RBM43: variants seen among roughly 807,000 people sequenced by gnomAD.
The protein encoded by RBM43 is RNA binding motif protein 43, also known as RNA-binding protein 43.
RBM43 carries 12 observed loss-of-function variants against 12.4 expected under a neutral mutation model. That is an observed-to-expected ratio of 0.97 (90% CI 0.62 to 1.57). The LOEUF (loss-of-function observed/expected upper bound fraction) is 1.57. Ranked by LOEUF, RBM43 falls within the 40% of genes most tolerant of loss-of-function variation. RBM43 has a pLI of 0.00. For missense variants in RBM43, 348 were observed against 400.1 expected, an observed-to-expected ratio of 0.87 and a Z score of 1.11; for synonymous variants, 138 against 145.7, an observed-to-expected ratio of 0.95 and a Z score of 0.38.
At chr2:151,252,152 G>A (rs1444197590) in intron 3 of RBM43, among the ~76,000 whole-genome samples, 1 of 151,952 alleles carries the variant, frequency 6.6e-6, no homozygotes, top group Non-Finnish European at 1.5e-5. Flanking sequence ...CATTCTAATT[G>A]TTTTTTCCCA....
chr2:151,259,705 C>T (rs749157289), intron 1 of RBM43, among the ~76,000 whole-genome samples: 18 of 152,026 alleles, frequency 1.2e-4, no homozygotes, highest in Non-Finnish European at 1.8e-4. Context: ...ATGCTCAACC[C>T]TGTCAATGTA....
Position 151,250,972 on chromosome 2 carries a change from T to A in RBM43, c.1008A>T (p.Gly336=). Residue 336 remains glycine, a synonymous_variant, in exon 4 of 4, where the codon GGA becomes GGT. Coordinates refer to ENST00000331426, the MANE Select transcript of RBM43 (RefSeq NM_198557.3). ...NLYRTHIDII[G]SSSDTYLFKK... ...TAAACAGGTAAGTGTCAGAAGAAGA[T>A]CCTATAATGTCAATGTGTGTCCTAT... The A allele has an allele frequency of 1.2e-6, 2 of 1,611,914 alleles. No individual in the cohort carries two copies. The highest frequency in any genetic ancestry group is 1.7e-6 in the Non-Finnish European group (2 of 1,178,814).
chr2:151,254,435 C>T (rs1682947486), intron 2 of RBM43, among the ~76,000 whole-genome samples: 1 of 152,080 alleles, frequency 6.6e-6, no homozygotes, highest in South Asian at 2.1e-4. Flanking sequence ...CCTGAACATC[C>T]CCATTGAGAA....
intron 1 of RBM43, among the ~76,000 whole-genome samples, chr2:151,257,362 C>T (rs1297024789): frequency 1.3e-5 from 2 of 152,094 alleles, no homozygotes; most frequent in Non-Finnish European, 2.9e-5. Context: ...AGTGTCCTGT[C>T]CATCCCAAGA....
At chr2:151,258,579 C>T (rs774101259) in intron 1 of RBM43, among the ~76,000 whole-genome samples, 2 of 151,776 alleles carry the variant, frequency 1.3e-5, no homozygotes, top group African/African-American at 2.4e-5. Context: ...CACCTATAGT[C>T]CCAGCTAGCT....
In RBM43 at chr2:151,252,772, A is replaced by G; in HGVS notation, c.298T>C (p.Ser100Pro). Residue 100 changes from serine to proline, a missense_variant, in exon 3 of 4, where the codon TCT becomes CCT. By Grantham distance (74) the Ser-to-Pro change is moderately conservative. Transcript: ENST00000331426. Reference protein sequence around the residue: ...HAELTVSLRVSHFGDKIFSSV... With the variant: ...HAELTVSLRVPHFGDKIFSSV... ...CACCTTACCTTGTCACCAAAATGAGAGACTCTGAGAGAGACTGTGAGTTCA... is the reference window on the plus strand; with the variant it reads ...CACCTTACCTTGTCACCAAAATGAGGGACTCTGAGAGAGACTGTGAGTTCA... 1 of 1,597,804 alleles carries G rather than the reference A, an allele frequency of 6.3e-7. No individual in the cohort carries two copies. The highest frequency in any genetic ancestry group is 8.6e-7 in the Non-Finnish European group (1 of 1,165,458).
intron 2 of RBM43, 31 bp from the exon 3 acceptor site, chr2:151,252,886 T>C: frequency 9.6e-7 from 1 of 1,046,378 alleles, no homozygotes; most frequent in Admixed American, 1.8e-5. Flanking sequence ...CAGAAGTGTT[T>C]ATGGCATGAT....
intron 1 of RBM43, among the ~76,000 whole-genome samples, chr2:151,259,684 A>G (rs963272431): frequency 6.6e-6 from 1 of 152,162 alleles, no homozygotes; most frequent in Non-Finnish European, 1.5e-5. Flanking sequence ...TATGGTTACA[A>G]AAAAACAGAA....
At chr2:151,258,102 A>AT (rs1242739378) in intron 1 of RBM43, among the ~76,000 whole-genome samples, 1 of 152,154 alleles carries the variant, frequency 6.6e-6, no homozygotes, top group East Asian at 1.9e-4. Flanking sequence ...AGAAAAGAAA[A>AT]TACATGGAAG....
At position 151,248,161 on chromosome 2, in the gene RBM43, T is replaced by A. The variant is rs573076956; in HGVS notation, c.*2745A>T. 5 of 152,220 alleles carry A rather than the reference T, an allele frequency of 3.3e-5. No homozygotes were observed. In the South Asian group the frequency reaches 1.0e-3, roughly 32 times the overall value. The allele number at this position is 152,220 out of a possible 1,614,324, so 9.4% of individuals were successfully genotyped here. On this transcript the variant is annotated 3_prime_UTR_variant, in exon 4 of 4. Coordinates refer to ENST00000331426, the MANE Select transcript of RBM43 (RefSeq NM_198557.3). ...CCAGTGCACTAAATTGAACAAAAAA[T>A]AGTTAACTGTGAAAGTGTGCTGAAT...
Position 151,248,180 on chromosome 2 carries a change from G to A in RBM43, c.*2726C>T, listed in dbSNP as rs1197485923. 6.6e-6 allele frequency: 1 copy of A among 152,154 alleles called. No homozygotes were observed. The highest frequency in any genetic ancestry group is 1.5e-5 in the Non-Finnish European group (1 of 68,018). The allele number at this position is 152,154 out of a possible 1,614,324, so 9.4% of individuals were successfully genotyped here. A position where few individuals can be genotyped will look rare whatever the true frequency, so the allele number is the denominator to read the frequency against. ...AAAAAATAGTTAACTGTGAAAGTGT[G>A]CTGAATTATGTGAGTAGGACCAAAA... is the stretch of plus-strand genomic sequence containing the variant. On this transcript the variant is annotated 3_prime_UTR_variant, in exon 4 of 4. Coordinates refer to ENST00000331426, the MANE Select transcript of RBM43 (RefSeq NM_198557.3).
chr2:151,256,031 A>G (rs1279097465), intron 1 of RBM43, among the ~76,000 whole-genome samples: 4 of 152,128 alleles, frequency 2.6e-5, no homozygotes, highest in Non-Finnish European at 1.5e-5. Context: ...GTATGATCTC[A>G]GCTCGCTACA....
intron 2 of RBM43, among the ~76,000 whole-genome samples, chr2:151,253,680 C>T (rs994146149): frequency 6.6e-6 from 1 of 152,156 alleles, no homozygotes; most frequent in African/African-American, 2.4e-5. Flanking sequence ...TTGTCAATCC[C>T]CTGCTTGAAA....
In RBM43 at chr2:151,256,534, T is replaced by C. The variant is rs74438428; in HGVS notation, c.4-791A>G. Among the ~76,000 whole-genome samples the C allele has an allele frequency of 4.3e-3, 658 of 152,058 alleles. 4 individuals are homozygous for C. Among genetic ancestry groups the C allele is most frequent in the Non-Finnish European group, 5.6e-3 (382 of 67,966 alleles). ...AAAGTTACCATAAAAAAATAAAACA[T>C]TGGGCCATGGATAGTGGCTCACACC... On this transcript the variant is annotated intron_variant, in intron 1 of 3. Transcript: ENST00000331426.
intron 3 of RBM43, among the ~76,000 whole-genome samples, chr2:151,251,890 A>G (rs986328923): frequency 1.3e-5 from 2 of 152,178 alleles, no homozygotes; most frequent in African/African-American, 4.8e-5. Context: ...CAAAACAGAC[A>G]GGCTCAAATA....
chr2:151,256,106 T>C (rs1558869771), intron 1 of RBM43, among the ~76,000 whole-genome samples: 1 of 151,820 alleles, frequency 6.6e-6, no homozygotes, highest in East Asian at 1.9e-4. Flanking sequence ...GGATTACAGG[T>C]GCCCACCACC....
chr2:151,252,496 C>T (rs755814273), intron 3 of RBM43, among the ~76,000 whole-genome samples: 10 of 152,244 alleles, frequency 6.6e-5, no homozygotes, highest in East Asian at 1.9e-4. Context: ...GCCTGGGTGA[C>T]GGAGCAAGAC....
rs764097330 is a variant in RBM43 at position 151,251,680 on chromosome 2, G to C, written c.316-16C>G. 8.1e-6 allele frequency: 13 copies of C among 1,597,296 alleles called. No homozygotes were observed. The highest frequency in any genetic ancestry group is 3.4e-4 in the Middle Eastern group (2 of 5,936). On this transcript the variant is annotated splice_polypyrimidine_tract_variant and intron_variant, in intron 3 of 3. Transcript: ENST00000331426. ...AGCTGAAGATCTGAAATTAAAAAGAGAGAAATGAAAACAGTACTGCCTAGT... is the reference window on the plus strand; with the variant it reads ...AGCTGAAGATCTGAAATTAAAAAGACAGAAATGAAAACAGTACTGCCTAGT...
At chr2:151,261,084 G>A (rs1558870999) in intron 1 of RBM43, 2 of 735,602 alleles carry the variant, frequency 2.7e-6, no homozygotes, top group South Asian at 2.1e-5. Context: ...TTGCATTTCC[G>A]GGACTCTAGC....
Sources: allele counts gnomAD v4.1 joint callset (sites outside exome capture counted in the v4.1 genomes callset), GRCh38; gene constraint gnomAD v4.1.1; transcripts MANE v1.5; gene names NCBI Gene and HGNC (gene_info 2026-07-23, HGNC 2026-07-21).